Variants in ABCB6 observed in about 807,000 individuals in gnomAD.
ABCB6 encodes ATP binding cassette subfamily B member 6 (LAN blood group).
ABCB6 carries 87 observed loss-of-function variants against 99.4 expected under a neutral mutation model. The ratio of observed to expected loss-of-function variants is 0.88; its 90% confidence interval spans 0.74 to 1.05. The LOEUF (loss-of-function observed/expected upper bound fraction) is 1.05. Among genes scored for constraint, ABCB6 ranks in the 50% least tolerant of loss-of-function variants. The probability of loss-of-function intolerance (pLI) is 0.00; values close to 1 mark genes in which losing one functional copy is unlikely to be tolerated. For missense variants in ABCB6, 1,050 were observed against 1,097.9 expected, an observed-to-expected ratio of 0.96 and a Z score of 0.62; for synonymous variants, 482 against 447.5, an observed-to-expected ratio of 1.08 and a Z score of -0.97.
chr2:219,212,573 A>G, intron 13 of ABCB6, 82 bp from the exon 14 acceptor site: 1 of 1,054,362 alleles, frequency 9.5e-7, no homozygotes, highest in Non-Finnish European at 1.4e-6. Flanking sequence ...CCCAGGCTGC[A>G]GTGCAATGGC....
At chr2:219,217,455 C>T (rs1196047441) in intron 2 of ABCB6, among the ~76,000 whole-genome samples, 1 of 152,090 alleles carries the variant, frequency 6.6e-6, no homozygotes, top group Non-Finnish European at 1.5e-5. Flanking sequence ...ACCATCCTGG[C>T]CAATGCTGTG....
At position 219,216,893 on chromosome 2, in the gene ABCB6, ACCCTTCAGGG is replaced by A; in HGVS notation, c.688-71_688-62del. The A allele has an allele frequency of 2.0e-6, 3 of 1,476,540 alleles. No individual in the cohort carries two copies. The highest frequency in any genetic ancestry group is 2.1e-5 in the Admixed American group (1 of 47,686). 91.5% of individuals were successfully genotyped at this position (1,476,540 alleles called of 1,614,324 possible). A position where few individuals can be genotyped will look rare whatever the true frequency, so the allele number is the denominator to read the frequency against. Reference sequence around the variant, plus strand: ...AATCAAGTAAGTGCACTAGCCAGAAACCCTTCAGGGAAAAACCTATGGGGTTACAGCTCCC... The same window carrying A: ...AATCAAGTAAGTGCACTAGCCAGAAAAAAAACCTATGGGGTTACAGCTCCC... On this transcript the variant is annotated intron_variant, in intron 2 of 18. Coordinates refer to ENST00000265316, the MANE Select transcript of ABCB6 (RefSeq NM_005689.4). The surrounding 1 kb of genome is among the most constrained non-coding windows in gnomAD (Gnocchi z 4.2).
chr2:219,215,035 C>A lies in ABCB6; in HGVS notation c.1202G>T (p.Gly401Val), dbSNP rs1196458315. 1.2e-6 allele frequency: 2 copies of A among 1,614,100 alleles called. No individual in the cohort carries two copies. The highest frequency in any genetic ancestry group is 1.7e-6 in the Non-Finnish European group (2 of 1,180,014). Reference protein sequence around the residue: ...VIPTLADIIIGIIYFSMFFNA... With the variant: ...VIPTLADIIIVIIYFSMFFNA... ...GAAGAACATGCTGAAGTAGATGATG[C>A]CAATGATGATGTCGGCCAGCGTGGG... Residue 401 changes from glycine (G) to valine (V), a missense_variant, in exon 6 of 19, where the codon GGC becomes GTC. Gly to Val is a moderately radical substitution (Grantham distance 109). Coordinates refer to ENST00000265316, the MANE Select transcript of ABCB6 (RefSeq NM_005689.4).
rs1950616408 is a variant in ABCB6 at position 219,214,503 on chromosome 2, A to G, written c.1277-5T>C. ...CAGTGACCACAATGGTCAGGGCTGG[A>G]GAGTGACAGGATGGGGAGCAGAATA... On this transcript the variant is annotated splice_polypyrimidine_tract_variant and splice_region_variant and intron_variant, in intron 6 of 18. Coordinates refer to ENST00000265316, the MANE Select transcript of ABCB6 (RefSeq NM_005689.4). The G allele has an allele frequency of 1.2e-6, 2 of 1,606,544 alleles. No individual in the cohort carries two copies. Among genetic ancestry groups the G allele is most frequent in the Admixed American group, 3.3e-5 (2 of 59,988 alleles).
chr2:219,214,459 C>A lies in ABCB6; in HGVS notation c.1316G>T (p.Arg439Leu). The A allele has an allele frequency of 6.2e-7, 1 of 1,614,144 alleles. No homozygotes were observed. Residue 439 changes from arginine to leucine, a missense_variant, in exon 7 of 19, where the codon CGT becomes CTT. By Grantham distance (102) the Arg-to-Leu change is moderately radical (BLOSUM62 -2). Coordinates refer to ENST00000265316, the MANE Select transcript of ABCB6 (RefSeq NM_005689.4). ...IVVTEWRTKF[R>L]RAMNTQENAT... is the part of the protein sequence containing the mutation. ...GTTCTCCTGTGTGTTCATAGCACGA[C>A]GAAACTTGGTTCTCCACTCAGTGAC...
At position 219,210,071 on chromosome 2, in the gene ABCB6, T is replaced by A. The variant is rs73993544; in HGVS notation, c.2421-25A>T. ...TCTGGGGTGAGGAGAAAAGTGTGAGTCCTAACCATTAGTTTTACCCCGAGG... is the reference window on the plus strand; with the variant it reads ...TCTGGGGTGAGGAGAAAAGTGTGAGACCTAACCATTAGTTTTACCCCGAGG... On this transcript the variant is annotated intron_variant, in intron 18 of 18. Coordinates refer to ENST00000265316, the MANE Select transcript of ABCB6 (RefSeq NM_005689.4). 0.019 allele frequency: 30,384 copies of A among 1,609,958 alleles called. 773 individuals carry two copies. Among genetic ancestry groups the A allele is most frequent in the East Asian group, 0.11 (4,977 of 44,842 alleles).
Position 219,218,427 on chromosome 2 carries a change from G to T in ABCB6, c.247C>A (p.Gln83Lys), listed in dbSNP as rs755226673. The change falls in exon 1 of 19, where the codon CAG becomes AAG. Residue 83 changes from glutamine to lysine, a missense_variant. Physicochemically the swap from Gln to Lys is moderately conservative, Grantham distance 53. Transcript: ENST00000265316. ...YVLQLLLATL[Q>K]AALPLAGLAG... ...AGGCCGGCCAGGGGCAGCGCCGCCT[G>T]AAGTGTGGCCAGAAGCAGCTGCAGC... 17 of 1,610,674 alleles carry T rather than the reference G, an allele frequency of 1.1e-5. No individual in the cohort carries two copies. Among genetic ancestry groups the T allele is most frequent in the African/African-American group, 2.7e-5 (2 of 74,906 alleles).
At position 219,218,162 on chromosome 2, in the gene ABCB6, G is replaced by A; in HGVS notation, c.512C>T (p.Pro171Leu). Reference sequence around the variant, plus strand: ...GTCTGCCCTTGCCCACCACCACTGTGGGCTGTTCCAAGACACCAGGGCCAA... The same window carrying A: ...GTCTGCCCTTGCCCACCACCACTGTAGGCTGTTCCAAGACACCAGGGCCAA... ...ENLALVSWNS[P>L]QWWWARADLG... The change falls in exon 1 of 19, where the codon CCA becomes CTA. Residue 171 changes from proline (P) to leucine (L), a missense_variant. Pro to Leu is a moderately conservative substitution (Grantham distance 98, BLOSUM62 -3). Coordinates refer to ENST00000265316, the MANE Select transcript of ABCB6 (RefSeq NM_005689.4). 7 of 1,613,358 alleles carry A rather than the reference G, an allele frequency of 4.3e-6. No individual in the cohort carries two copies. Among genetic ancestry groups the A allele is most frequent in the Non-Finnish European group, 5.9e-6 (7 of 1,179,838 alleles).
intron 12 of ABCB6, 39 bp from the exon 13 acceptor site, chr2:219,213,104 A>G (rs745913706): frequency 9.9e-6 from 16 of 1,611,588 alleles, no homozygotes; most frequent in African/African-American, 1.3e-5. Context: ...GGCACCTTCC[A>G]TCACCAGAGC....
Position 219,216,134 on chromosome 2 carries a change from C to T in ABCB6, c.1017G>A (p.Gln339=), listed in dbSNP as rs774279432. Residue 339 remains glutamine, a synonymous_variant, in exon 5 of 19, where the codon CAG becomes CAA. Transcript: ENST00000265316. The surrounding 1 kb of genome is among the most constrained non-coding windows in gnomAD (Gnocchi z 4.2). ...GCAGCTCCACCCGCCGAGACGTGAA[C>T]TGCTGCACCCGGATCCACAGGAAGG... is the stretch of plus-strand genomic sequence containing the variant. ...LRTFLWIRVQ[Q]FTSRRVELLI... 1 of 1,602,628 alleles carries T rather than the reference C, an allele frequency of 6.2e-7. No homozygotes were observed. Among genetic ancestry groups the T allele is most frequent in the South Asian group, 1.1e-5 (1 of 89,366 alleles).
rs1264178473 is a variant in ABCB6 at position 219,213,515 on chromosome 2, G to A, written c.1656-13C>T. The A allele has an allele frequency of 1.2e-6, 2 of 1,614,190 alleles. No homozygotes were observed. The highest frequency in any genetic ancestry group is 1.7e-5 in the Admixed American group (1 of 60,028). On this transcript the variant is annotated splice_polypyrimidine_tract_variant and intron_variant, in intron 10 of 18. Transcript: ENST00000265316. Reference sequence around the variant, plus strand: ...GGTCTGGATCATCCTGCAAAAAGGTGCTGGTTAGGACTTCTCTGAGTAGCC... The same window carrying A: ...GGTCTGGATCATCCTGCAAAAAGGTACTGGTTAGGACTTCTCTGAGTAGCC...
chr2:219,216,185 A>G lies in ABCB6; in HGVS notation c.971-5T>C. ...TGCGCAGGTTGCTCACGAAGCCTGC[A>G]GGGAGCCGGGGGACGCCTCAGTAGG... On this transcript the variant is annotated splice_polypyrimidine_tract_variant and splice_region_variant and intron_variant, in intron 4 of 18. Transcript: ENST00000265316. This position sits in a 1 kb window ranked among gnomAD's most constrained non-coding sequence, Gnocchi z 4.2. The G allele has an allele frequency of 6.3e-7, 1 of 1,584,770 alleles. No homozygotes were observed. Among genetic ancestry groups the G allele is most frequent in the Non-Finnish European group, 8.6e-7 (1 of 1,162,126 alleles).
Position 219,215,479 on chromosome 2 carries a change from C to A in ABCB6, c.1155-397G>T, listed in dbSNP as rs1367086943. On this transcript the variant is annotated intron_variant, in intron 5 of 18. Coordinates refer to ENST00000265316, the MANE Select transcript of ABCB6 (RefSeq NM_005689.4). ...GAACCCAGCTGGGCACAATGGCTCA[C>A]AACTGTAATCCCAGCACTTTGGAAT... 4 of 194,300 alleles carry A rather than the reference C, an allele frequency of 2.1e-5. No individual in the cohort carries two copies. In the East Asian group the frequency reaches 6.1e-4, roughly 29 times the overall value. 12.0% of individuals were successfully genotyped at this position (194,300 alleles called of 1,614,324 possible).
At chr2:219,211,372 C>A (rs1023397602) in intron 14 of ABCB6, among the ~76,000 whole-genome samples, 28 of 149,822 alleles carry the variant, frequency 1.9e-4, no homozygotes, top group African/African-American at 6.6e-4. Context: ...GGCAAAATCT[C>A]GGCTTACTGC....
At position 219,218,538 on chromosome 2, in the gene ABCB6, G is replaced by C; in HGVS notation, c.136C>G (p.Leu46Val). The C allele has an allele frequency of 6.2e-7, 1 of 1,611,584 alleles. No individual in the cohort carries two copies. Among genetic ancestry groups the C allele is most frequent in the East Asian group, 2.2e-5 (1 of 44,804 alleles). ...TCCCGGCGTCTGCAGGGAAGAGCCA[G>C]CACCAAGGCCAGAGTCCCCAGAGCC... Reference protein sequence around the residue: ...RMALGTLALVLALPCRRRERP... With the variant: ...RMALGTLALVVALPCRRRERP... The change falls in exon 1 of 19, where the codon CTG becomes GTG. Residue 46 changes from leucine to valine, a missense_variant. Transcript: ENST00000265316.
Position 219,214,958 on chromosome 2 carries a change from C to T in ABCB6, c.1276+3G>A. On this transcript the variant is annotated splice_donor_region_variant and intron_variant, in intron 6 of 18. Coordinates refer to ENST00000265316, the MANE Select transcript of ABCB6 (RefSeq NM_005689.4). ...GGAGACGGTGTCTCCCAGCAGCACT[C>T]ACTGAGGTAAAGACTCATGCACAGG... The T allele has an allele frequency of 6.2e-7, 1 of 1,614,082 alleles. No homozygotes were observed.
In ABCB6 at chr2:219,214,501, GGA is replaced by G. The variant is rs765554149; in HGVS notation, c.1277-5_1277-4del. The G allele has an allele frequency of 3.1e-6, 5 of 1,608,388 alleles. No homozygotes were observed. The highest frequency in any genetic ancestry group is 4.3e-6 in the Non-Finnish European group (5 of 1,174,782). ...CTCAGTGACCACAATGGTCAGGGCT[GGA>G]GAGTGACAGGATGGGGAGCAGAATA... On this transcript the variant is annotated splice_polypyrimidine_tract_variant and splice_region_variant and intron_variant, in intron 6 of 18. Coordinates refer to ENST00000265316, the MANE Select transcript of ABCB6 (RefSeq NM_005689.4).
At position 219,210,027 on chromosome 2, in the gene ABCB6, G is replaced by A. The variant is rs745827559; in HGVS notation, c.2440C>T (p.Arg814Ter). 8 of 1,613,982 alleles carry A rather than the reference G, an allele frequency of 5.0e-6. No individual in the cohort carries two copies. Among genetic ancestry groups the A allele is most frequent in the South Asian group, 1.1e-5 (1 of 91,074 alleles). ...ERGRHEALLS[R>*]GGVYADMWQL... ...CACATGTCAGCATACACCCCACCTC[G>A]GGACAACAGAGCCTCGTGTCTGGGG... Residue 814 changes from arginine to a stop codon, truncating the protein, a stop_gained, in exon 19 of 19, where the codon CGA becomes TGA. Transcript: ENST00000265316. LOFTEE classifies it high-confidence loss of function.
chr2:219,214,024 G>A, intron 8 of ABCB6, 73 bp from the exon 9 acceptor site: 5 of 1,612,602 alleles, frequency 3.1e-6, no homozygotes, highest in Non-Finnish European at 4.2e-6. Flanking sequence ...CTGGGCCCAG[G>A]CCCCTTCTAC....
Sources: gnomAD v4.1 joint callset for allele counts (sites outside exome capture counted in the v4.1 genomes callset) on GRCh38, gnomAD v4.1.1 for gene constraint, Gnocchi (gnomAD v3.1) non-coding constraint, MANE v1.5 for transcripts, NCBI Gene and HGNC (gene_info 2026-07-23, HGNC 2026-07-21) for gene names.